Variants in ATF6B observed in about 807,000 individuals in gnomAD.
ATF6B encodes cyclic AMP-dependent transcription factor ATF-6 beta.
Under a neutral mutation model 83.5 loss-of-function variants are expected in ATF6B, and 50 were observed. The observed-to-expected ratio is 0.60, with a 90% CI of 0.48 to 0.76. The LOEUF (loss-of-function observed/expected upper bound fraction) is 0.76, where lower values mean the gene tolerates loss of function less well. Ranked by LOEUF, ATF6B falls within the 30% of genes least tolerant of loss-of-function variation. The pLI is 0.00. For synonymous variants in ATF6B, 344 were observed against 362.8 expected (o/e 0.95, Z 0.59); for missense variants, 790 against 893.8 (o/e 0.88, Z 1.48).
At position 32,117,487 on chromosome 6, in the gene ATF6B, G is replaced by T; in HGVS notation, c.1533-83C>A. Reference sequence around the variant, plus strand: ...GCCCACCCACAGGAGTGAGGAGAGGGCAGGGAGCACTGGCGCTTTAGTACA... The same window carrying T: ...GCCCACCCACAGGAGTGAGGAGAGGTCAGGGAGCACTGGCGCTTTAGTACA... On this transcript the variant is annotated intron_variant, in intron 13 of 17. Transcript: ENST00000375203. The surrounding 1 kb of genome is among the most constrained non-coding windows in gnomAD (Gnocchi z 5.0). The T allele has an allele frequency of 6.3e-7, 1 of 1,594,540 alleles. No homozygotes were observed. The highest frequency in any genetic ancestry group is 8.6e-7 in the Non-Finnish European group (1 of 1,166,490).
Position 32,118,914 on chromosome 6 carries a change from G to A in ATF6B, c.1152+42C>T, listed in dbSNP as rs1486927051. 1 of 1,614,036 alleles carries A rather than the reference G, an allele frequency of 6.2e-7. No individual in the cohort carries two copies. The highest frequency in any genetic ancestry group is 8.5e-7 in the Non-Finnish European group (1 of 1,180,020). On this transcript the variant is annotated intron_variant, in intron 10 of 17. Coordinates refer to ENST00000375203, the MANE Select transcript of ATF6B (RefSeq NM_004381.5). The surrounding 1 kb of genome is among the most constrained non-coding windows in gnomAD (Gnocchi z 5.2). ...AGAAAAAGGGGAATCATTCCAAGGA[G>A]GCTGTATTCCTGTTGGTCTCCCAGG...
intron 1 of ATF6B, 62 bp downstream of exon 1, chr6:32,128,055 C>T: frequency 6.3e-7 from 1 of 1,592,080 alleles, no homozygotes. Context: ...TAGGCCCCCG[C>T]TTCTTTCCCG....
chr6:32,127,586 G>T, intron 2 of ATF6B, 66 bp from the exon 3 acceptor site: 1 of 1,609,456 alleles, frequency 6.2e-7, no homozygotes, highest in Non-Finnish European at 8.5e-7. Context: ...GGTGACTCCA[G>T]ATGAGTTATG....
rs754741325 is a variant in ATF6B, at chr6:32,116,521, C to T, written c.1841G>A (p.Arg614Gln). ...AGGCATCACCAGGGACATCTTGGGCCGGGAGGTCTTGTTGTGGCTGATGGC... is the reference window on the plus strand; with the variant it reads ...AGGCATCACCAGGGACATCTTGGGCTGGGAGGTCTTGTTGTGGCTGATGGC... ...LPAISHNKTS[R>Q]PKMSLVMPAM... The change falls in exon 17 of 18, where the codon CGG becomes CAG. Residue 614 changes from arginine to glutamine, a missense_variant. Transcript: ENST00000375203. The surrounding 1 kb of genome is among the most constrained non-coding windows in gnomAD (Gnocchi z 5.1). 5.0e-6 allele frequency: 8 copies of T among 1,605,454 alleles called. No homozygotes were observed. Among genetic ancestry groups the T allele is most frequent in the East Asian group, 2.2e-5 (1 of 44,830 alleles).
intron 4 of ATF6B, 148 bp from the exon 5 acceptor site, chr6:32,126,400 C>T (rs1173795150): frequency 6.1e-6 from 6 of 980,754 alleles, no homozygotes; most frequent in Non-Finnish European, 7.3e-6. Flanking sequence ...TGGTACTGAC[C>T]ATCTTTCTAA....
rs2127347271 is a variant in ATF6B, at chr6:32,125,767, A to G, written c.478+350T>C. ...CAGTGTGAGACTCTGTCTCAACAAC[A>G]ACAAAAATGTTTATAATAAAATGTT... On this transcript the variant is annotated intron_variant, in intron 5 of 17. Coordinates refer to ENST00000375203, the MANE Select transcript of ATF6B (RefSeq NM_004381.5). This position sits in a 1 kb window ranked among gnomAD's most constrained non-coding sequence, Gnocchi z 4.1. 6.6e-6 allele frequency among the ~76,000 whole-genome samples: 1 copy of G among 152,326 alleles called. No homozygotes were observed. The highest frequency in any genetic ancestry group is 2.1e-4 in the South Asian group (1 of 4,826).
Position 32,116,040 on chromosome 6 carries a change from G to T in ATF6B, c.1883-72C>A. On this transcript the variant is annotated intron_variant, in intron 17 of 17. Coordinates refer to ENST00000375203, the MANE Select transcript of ATF6B (RefSeq NM_004381.5). This position sits in a 1 kb window ranked among gnomAD's most constrained non-coding sequence, Gnocchi z 5.1. ...GGGATTGCAGGGAGGAGGGGAGGAG[G>T]TCAGAAAAGTAGAGGTGAGCAGAGA... 8.4e-7 allele frequency: 1 copy of T among 1,187,788 alleles called. No homozygotes were observed. Among genetic ancestry groups the T allele is most frequent in the Non-Finnish European group, 1.2e-6 (1 of 825,794 alleles). The allele number at this position is 1,187,788 out of a possible 1,614,324, so 73.6% of individuals were successfully genotyped here.
rs1328105029 is a variant in ATF6B at position 32,125,701 on chromosome 6, C to T, written c.478+416G>A. Among the ~76,000 whole-genome samples the T allele has an allele frequency of 1.3e-5, 2 of 152,140 alleles. No individual in the cohort carries two copies. The highest frequency in any genetic ancestry group is 4.8e-5 in the African/African-American group (2 of 41,422). Reference sequence around the variant, plus strand: ...ACTTGAACCTGGGAGGTGGAGGTTGCAGTGAGCTGAGACCACACCACTGCA... The same window carrying T: ...ACTTGAACCTGGGAGGTGGAGGTTGTAGTGAGCTGAGACCACACCACTGCA... On this transcript the variant is annotated intron_variant, in intron 5 of 17. Transcript: ENST00000375203. The surrounding 1 kb of genome is among the most constrained non-coding windows in gnomAD (Gnocchi z 4.1).
At position 32,118,465 on chromosome 6, in the gene ATF6B, G is replaced by A. The variant is rs541915607; in HGVS notation, c.1244+310C>T. 5.2e-3 allele frequency among the ~76,000 whole-genome samples: 796 copies of A among 152,284 alleles called. 8 individuals carry two copies. Among genetic ancestry groups the A allele is most frequent in the African/African-American group, 0.017 (719 of 41,556 alleles). On this transcript the variant is annotated intron_variant, in intron 11 of 17. Coordinates refer to ENST00000375203, the MANE Select transcript of ATF6B (RefSeq NM_004381.5). The surrounding 1 kb of genome is among the most constrained non-coding windows in gnomAD (Gnocchi z 5.2). ...CAAAAAATTAGCCGGGCATGGTGGC[G>A]TGCGCCTGTAGTCCCAGCTACTTGG...
In ATF6B at chr6:32,119,082, G is replaced by C; in HGVS notation, c.1026C>G (p.Ser342=). 6.2e-7 allele frequency: 1 copy of C among 1,613,610 alleles called. No homozygotes were observed. The highest frequency in any genetic ancestry group is 8.5e-7 in the Non-Finnish European group (1 of 1,179,916). ...MIKNRESACQ[S]RRKKKEYLQG... ...GCAGATACTCTTTCTTCTTTCTCCG[G>C]GACTGGCAGGCTGACTCCCGGTTCT... is the stretch of plus-strand genomic sequence containing the variant. Residue 342 remains serine, a synonymous_variant, in exon 10 of 18, where the codon TCC becomes TCG. Transcript: ENST00000375203. The surrounding 1 kb of genome is among the most constrained non-coding windows in gnomAD (Gnocchi z 4.9).
At position 32,125,333 on chromosome 6, in the gene ATF6B, T is replaced by C. The variant is rs1202206761; in HGVS notation, c.478+784A>G. Among the ~76,000 whole-genome samples the C allele has an allele frequency of 2.0e-5, 3 of 152,214 alleles. No individual in the cohort carries two copies. Among genetic ancestry groups the C allele is most frequent in the Admixed American group, 6.5e-5 (1 of 15,268 alleles). Reference sequence around the variant, plus strand: ...TTTTATAATTATTATACCTCAGATATGATCACATCAATAAACATTTACTAA... The same window carrying C: ...TTTTATAATTATTATACCTCAGATACGATCACATCAATAAACATTTACTAA... On this transcript the variant is annotated intron_variant, in intron 5 of 17. Coordinates refer to ENST00000375203, the MANE Select transcript of ATF6B (RefSeq NM_004381.5). The surrounding 1 kb of genome is among the most constrained non-coding windows in gnomAD (Gnocchi z 4.1).
Position 32,115,708 on chromosome 6 carries a change from C to T in ATF6B, c.*31G>A. 2.6e-6 allele frequency: 4 copies of T among 1,529,638 alleles called. No homozygotes were observed. The highest frequency in any genetic ancestry group is 2.7e-6 in the Non-Finnish European group (3 of 1,130,994). 94.8% of individuals were successfully genotyped at this position (1,529,638 alleles called of 1,614,324 possible). On this transcript the variant is annotated 3_prime_UTR_variant, in exon 18 of 18. Coordinates refer to ENST00000375203, the MANE Select transcript of ATF6B (RefSeq NM_004381.5). The stretch of plus-strand genomic sequence containing the variant: ...CACCTGGCCACCTGGTACCCCCTCC[C>T]CCCGTTCTAAGTCAGTGTGAATGGC...
chr6:32,119,700 G>A lies in ATF6B; in HGVS notation c.966+124C>T. On this transcript the variant is annotated intron_variant, in intron 9 of 17. Coordinates refer to ENST00000375203, the MANE Select transcript of ATF6B (RefSeq NM_004381.5). The surrounding 1 kb of genome is among the most constrained non-coding windows in gnomAD (Gnocchi z 4.9). ...TCTGACCCTCAGAATGATCTAATGGGTCCGTTTCCTCACTTTTTTCTCCTA... is the reference window on the plus strand; with the variant it reads ...TCTGACCCTCAGAATGATCTAATGGATCCGTTTCCTCACTTTTTTCTCCTA... The A allele has an allele frequency of 7.3e-7, 1 of 1,376,840 alleles. No individual in the cohort carries two copies. Among genetic ancestry groups the A allele is most frequent in the Middle Eastern group, 1.9e-4 (1 of 5,316 alleles). The allele number at this position is 1,376,840 out of a possible 1,614,324, so 85.3% of individuals were successfully genotyped here. A position where few individuals can be genotyped will look rare whatever the true frequency, so the allele number is the denominator to read the frequency against.
intron 5 of ATF6B, among the ~76,000 whole-genome samples, chr6:32,123,460 C>T (rs1343676729): frequency 2.0e-5 from 3 of 152,098 alleles, no homozygotes; most frequent in African/African-American, 7.2e-5. Context: ...GCGATCTCGG[C>T]TCACTGCAAG....
chr6:32,124,522 A>T (rs1182701254), intron 5 of ATF6B, among the ~76,000 whole-genome samples: 2 of 152,120 alleles, frequency 1.3e-5, no homozygotes, highest in African/African-American at 2.4e-5. Context: ...TGCCACTAGA[A>T]TCATCTTCCT....
In ATF6B at chr6:32,116,874, A is replaced by G; in HGVS notation, c.1686-59T>C. 1 of 1,580,672 alleles carries G rather than the reference A, an allele frequency of 6.3e-7. No individual in the cohort carries two copies. Among genetic ancestry groups the G allele is most frequent in the Non-Finnish European group, 8.7e-7 (1 of 1,150,170 alleles). On this transcript the variant is annotated intron_variant, in intron 15 of 17. Transcript: ENST00000375203. The surrounding 1 kb of genome is among the most constrained non-coding windows in gnomAD (Gnocchi z 5.1). ...CTAAGCCCAATGCTCAGTTTCTACC[A>G]GGGAAGCGGGTAGGATGAGAGAAAA...
In ATF6B at chr6:32,125,737, A is replaced by G. The variant is rs1222755077; in HGVS notation, c.478+380T>C. Among the ~76,000 whole-genome samples the G allele has an allele frequency of 6.6e-6, 1 of 152,172 alleles. No individual in the cohort carries two copies. The highest frequency in any genetic ancestry group is 1.9e-4 in the East Asian group (1 of 5,202). ...GACCACACCACTGCACTTCAGCCCG[A>G]GCGACAGTGTGAGACTCTGTCTCAA... On this transcript the variant is annotated intron_variant, in intron 5 of 17. Transcript: ENST00000375203. The surrounding 1 kb of genome is among the most constrained non-coding windows in gnomAD (Gnocchi z 4.1).
Position 32,119,125 on chromosome 6 carries a change from C to T in ATF6B, c.983G>A (p.Arg328Gln), listed in dbSNP as rs772737467. 5 of 1,611,200 alleles carry T rather than the reference C, an allele frequency of 3.1e-6. No individual in the cohort carries two copies. The South Asian group carries it at 3.3e-5, about 11-fold the overall frequency. The change falls in exon 10 of 18, where the codon CGG (arginine) becomes CAG (glutamine). Residue 328 changes from arginine (R) to glutamine (Q), a missense_variant. Around this residue, in one of 3 missense-constraint regions of ATF6B, gnomAD observed 530 missense variants for 632.6 expected, o/e 0.84. Coordinates refer to ENST00000375203, the MANE Select transcript of ATF6B (RefSeq NM_004381.5). The surrounding 1 kb of genome is among the most constrained non-coding windows in gnomAD (Gnocchi z 4.9). ...CCGGTTCTTGATCATTCGCTGCTGC[C>T]GCTTCAGCAGCTTTGCCTAGGCACC... ...PPEVDAKLLKRQQRMIKNRES... is the reference protein window; with the variant it reads ...PPEVDAKLLKQQQRMIKNRES...
At position 32,120,793 on chromosome 6, in the gene ATF6B, C is replaced by T. The variant is rs772977580; in HGVS notation, c.810G>A (p.Gln270=). The T allele has an allele frequency of 1.1e-5, 17 of 1,610,678 alleles. No individual in the cohort carries two copies. The highest frequency in any genetic ancestry group is 1.4e-5 in the Non-Finnish European group (17 of 1,178,148). Residue 270 remains glutamine (Q), a synonymous_variant, in exon 8 of 18, where the codon CAG becomes CAA. Transcript: ENST00000375203. Reference sequence around the variant, plus strand: ...TACCTGGGGGTGGCTGGACGAGGGACTGCAGAAGGACTGTGGTGCTGGGAG... The same window carrying T: ...TACCTGGGGGTGGCTGGACGAGGGATTGCAGAAGGACTGTGGTGCTGGGAG... ...AVPPSTTVLL[Q]SLVQPPPVSP... is the part of the protein sequence containing the mutation.
Sources: gnomAD v4.1 joint callset for allele counts (sites outside exome capture counted in the v4.1 genomes callset) on GRCh38, gnomAD v4.1.1 for gene constraint, gnomAD v4.1.1 regional missense constraint, Gnocchi (gnomAD v3.1) non-coding constraint, MANE v1.5 for transcripts, NCBI Gene and HGNC (gene_info 2026-07-23, HGNC 2026-07-21) for gene names.